The following SHISA6 variants were observed in gnomAD, a reference collection of about 807,000 sequenced individuals.
SHISA6 encodes the protein shisa family member 6.
SHISA6 carries 22 observed loss-of-function variants against 47.9 expected under a neutral mutation model. The ratio of observed to expected loss-of-function variants is 0.46; its 90% CI spans 0.33 to 0.66. SHISA6 has a LOEUF of 0.66. Ranked by LOEUF, SHISA6 falls within the 30% of genes least tolerant of loss-of-function variation. The pLI, the probability that SHISA6 is intolerant of heterozygous loss-of-function variation, is 0.02. For missense variants in SHISA6, 680 were observed against 764.6 expected (o/e 0.89, Z 1.30); for synonymous variants, 388 against 337.8 (o/e 1.15, Z -1.63).
chr17:11,524,620 C>T (rs551461178), intron 3 of SHISA6, among the ~76,000 whole-genome samples: 1 of 152,088 alleles, frequency 6.6e-6, no homozygotes, highest in African/African-American at 2.4e-5. Context: ...CCTCAGCCTC[C>T]CGAGGAGCTG....
intron 2 of SHISA6, among the ~76,000 whole-genome samples, chr17:11,339,393 T>C (rs1911445688): frequency 6.6e-6 from 1 of 151,482 alleles, no homozygotes; most frequent in Non-Finnish European, 1.5e-5. Context: ...CTGTGGTTAT[T>C]TCAAAGTGGT....
intron 3 of SHISA6, among the ~76,000 whole-genome samples, chr17:11,434,665 C>A (rs553788606): frequency 6.6e-6 from 1 of 152,168 alleles, no homozygotes; most frequent in Non-Finnish European, 1.5e-5. Flanking sequence ...GAGAGACTTA[C>A]ATAAGACATA....
intron 2 of SHISA6, among the ~76,000 whole-genome samples, chr17:11,345,909 CAGAT>C (rs150812131): frequency 0.084 from 12,772 of 151,996 alleles, 820 homozygotes; most frequent in East Asian, 0.23. Flanking sequence ...TCTGTGAATA[CAGAT>C]AGTTTCTCTC....
At position 11,412,661 on chromosome 17, in the gene SHISA6, C is replaced by T. The variant is rs188597233; in HGVS notation, c.895+33152C>T. On this transcript the variant is annotated intron_variant, in intron 3 of 5. Transcript: ENST00000441885. ...GGTTCACGCCATTCTCCTGCCTCAG[C>T]CTCCCAAGTAGCTGGGACTACAGGC... Among the ~76,000 whole-genome samples the T allele has an allele frequency of 1.1e-3, 163 of 152,176 alleles. No homozygotes were observed. In the Middle Eastern group the frequency reaches 0.017, roughly 16 times the overall value.
intron 3 of SHISA6, among the ~76,000 whole-genome samples, chr17:11,438,645 T>A (rs949773717): frequency 6.6e-6 from 1 of 152,184 alleles, no homozygotes; most frequent in Non-Finnish European, 1.5e-5. Context: ...TTAACCTTAA[T>A]TACCTCCTTA....
rs187040146 is a variant in SHISA6 at position 11,379,577 on chromosome 17, A to T, written c.895+68A>T. On this transcript the variant is annotated intron_variant, in intron 3 of 5. Coordinates refer to ENST00000441885, the MANE Select transcript of SHISA6 (RefSeq NM_207386.4). ...AGGGAACGCCATCTGAAATGAGAAG[A>T]TGGTGTGGAGGCCAGAGGCTTGTCT... The T allele has an allele frequency of 1.4e-3, 1,626 of 1,142,128 alleles. 45 individuals are homozygous for T. In the Admixed American group the frequency reaches 0.035, roughly 24 times the overall value. The allele number at this position is 1,142,128 out of a possible 1,614,324, so 70.7% of individuals were successfully genotyped here. A position where few individuals can be genotyped will look rare whatever the true frequency, so the allele number is the denominator to read the frequency against.
chr17:11,437,946 G>A lies in SHISA6; in HGVS notation c.895+58437G>A, dbSNP rs116437062. ...TGGTGATGATGATGTTGGAGATAGCGATCAGATGACTCCAACCATAATGTC... is the reference window on the plus strand; with the variant it reads ...TGGTGATGATGATGTTGGAGATAGCAATCAGATGACTCCAACCATAATGTC... On this transcript the variant is annotated intron_variant, in intron 3 of 5. Transcript: ENST00000441885. Among the ~76,000 whole-genome samples, 27 of 152,202 alleles carry A rather than the reference G, an allele frequency of 1.8e-4. 1 individual carries two copies. Among genetic ancestry groups the A allele is most frequent in the South Asian group, 4.1e-4 (2 of 4,820 alleles).
intron 2 of SHISA6, among the ~76,000 whole-genome samples, chr17:11,279,340 T>TAG (rs1480746078): frequency 6.6e-6 from 1 of 152,116 alleles, no homozygotes; most frequent in African/African-American, 2.4e-5. Flanking sequence ...TAGACCCTCG[T>TAG]AGAGGTACGA....
At position 11,419,536 on chromosome 17, in the gene SHISA6, G is replaced by A. The variant is rs72635525; in HGVS notation, c.895+40027G>A. ...GTAGTTAGATTACGTTGAGTGAACC[G>A]TTAGGAGTTTAGGCAGGCAGTGGAA... is the stretch of plus-strand genomic sequence containing the variant. On this transcript the variant is annotated intron_variant, in intron 3 of 5. Transcript: ENST00000441885. 7.3e-4 allele frequency among the ~76,000 whole-genome samples: 111 copies of A among 152,256 alleles called. No individual in the cohort carries two copies. The South Asian group carries it at 0.022, about 30-fold the overall frequency.
At chr17:11,276,990 C>T (rs1489942371) in intron 2 of SHISA6, among the ~76,000 whole-genome samples, 2 of 151,884 alleles carry the variant, frequency 1.3e-5, no homozygotes, top group Admixed American at 6.6e-5. Flanking sequence ...ATGGAGGGTA[C>T]GAGGGGAAGA....
chr17:11,536,504 G>A (rs529279741), intron 3 of SHISA6, among the ~76,000 whole-genome samples: 1 of 152,348 alleles, frequency 6.6e-6, no homozygotes, highest in African/African-American at 2.4e-5. Flanking sequence ...AAGTAGCTAT[G>A]TCAGGTGCCT....
At chr17:11,273,354 AG>A (rs1419971391) in intron 2 of SHISA6, among the ~76,000 whole-genome samples, 2 of 152,160 alleles carry the variant, frequency 1.3e-5, no homozygotes, top group African/African-American at 4.8e-5. Flanking sequence ...CATTTGTCCC[AG>A]TGCATGGATC....
At chr17:11,544,085 AT>A (rs2071859741) in intron 3 of SHISA6, among the ~76,000 whole-genome samples, 1 of 151,928 alleles carries the variant, frequency 6.6e-6, no homozygotes, top group South Asian at 2.1e-4. Context: ...TAGATCATGT[AT>A]TTAAATGTAA....
chr17:11,275,341 A>G (rs1378045192), intron 2 of SHISA6, among the ~76,000 whole-genome samples: 1 of 152,080 alleles, frequency 6.6e-6, no homozygotes, highest in Non-Finnish European at 1.5e-5. Context: ...TGAGAAACCC[A>G]CAGAGGAGGA....
rs950723838 is a variant in SHISA6, at chr17:11,438,590, T to C, written c.895+59081T>C. 3.3e-5 allele frequency among the ~76,000 whole-genome samples: 5 copies of C among 152,296 alleles called. No homozygotes were observed. In the East Asian group the frequency reaches 7.7e-4, roughly 24 times the overall value. On this transcript the variant is annotated intron_variant, in intron 3 of 5. Coordinates refer to ENST00000441885, the MANE Select transcript of SHISA6 (RefSeq NM_207386.4). ...GAGAGCACACCAGCTCTGTGTCTTA[T>C]AAGGACACCAGTCCTATCAGACTTT... is the stretch of plus-strand genomic sequence containing the variant.
In SHISA6 at chr17:11,241,440, CCTGCTG is replaced by C; in HGVS notation, c.30_35del (p.Leu11_Leu12del). The C allele has an allele frequency of 3.3e-6, 4 of 1,194,252 alleles. No homozygotes were observed. Among genetic ancestry groups the C allele is most frequent in the South Asian group, 3.5e-5 (2 of 57,720 alleles). The allele number at this position is 1,194,252 out of a possible 1,614,324, so 74.0% of individuals were successfully genotyped here. A position where few individuals can be genotyped will look rare whatever the true frequency, so the allele number is the denominator to read the frequency against. On this transcript the variant is annotated inframe_deletion, in exon 1 of 6. Coordinates refer to ENST00000441885, the MANE Select transcript of SHISA6 (RefSeq NM_207386.4). The surrounding 1 kb of genome is among the most constrained non-coding windows in gnomAD (Gnocchi z 5.5). ...GCCCCGCCATGGCGCTGCGGCGCCTCCTGCTGCTGCTGCTGCTCTCGCTGGAGTCCC... is the reference window on the plus strand; with the variant it reads ...GCCCCGCCATGGCGCTGCGGCGCCTCCTGCTGCTGCTCTCGCTGGAGTCCC...
At chr17:11,449,471 G>GA (rs1481092537) in intron 3 of SHISA6, among the ~76,000 whole-genome samples, 2 of 151,796 alleles carry the variant, frequency 1.3e-5, no homozygotes, top group African/African-American at 2.4e-5. Context: ...AGAAAAAAAA[G>GA]AAAAAAATTG....
In SHISA6 at chr17:11,460,555, C is replaced by A. The variant is rs548508535; in HGVS notation, c.895+81046C>A. Among the ~76,000 whole-genome samples, 3 of 152,246 alleles carry A rather than the reference C, an allele frequency of 2.0e-5. No homozygotes were observed. In the East Asian group the frequency reaches 5.8e-4, roughly 29 times the overall value. ...TACAGGCACCCACCACCATGCCTGG[C>A]TAATTTTGTATTTTTAGTAGAGACA... On this transcript the variant is annotated intron_variant, in intron 3 of 5. Coordinates refer to ENST00000441885, the MANE Select transcript of SHISA6 (RefSeq NM_207386.4).
chr17:11,553,415 C>A (rs2071947884), intron 4 of SHISA6, among the ~76,000 whole-genome samples: 1 of 152,182 alleles, frequency 6.6e-6, no homozygotes, highest in African/African-American at 2.4e-5. Context: ...GGAGCCAACA[C>A]AAGCAGACTC....
Sources: gnomAD v4.1 joint callset for allele counts (sites outside exome capture counted in the v4.1 genomes callset) on GRCh38, gnomAD v4.1.1 for gene constraint, Gnocchi (gnomAD v3.1) non-coding constraint, MANE v1.5 for transcripts, NCBI Gene and HGNC (gene_info 2026-07-23, HGNC 2026-07-21) for gene names.